GRM8: variants seen among roughly 807,000 people sequenced by gnomAD.
GRM8 encodes the protein metabotropic glutamate receptor 8.
Under a neutral mutation model 87.2 loss-of-function variants are expected in GRM8, and 47 were observed. The ratio of observed to expected loss-of-function variants is 0.54; its 90% CI spans 0.43 to 0.69. The LOEUF (loss-of-function observed/expected upper bound fraction) is 0.69, where lower values mean the gene tolerates loss of function less well. Among genes scored for constraint, GRM8 ranks in the 30% least tolerant of loss-of-function variants. GRM8 has a pLI of 0.00. For missense variants in GRM8, 1,019 were observed against 1,139.2 expected, an observed-to-expected ratio of 0.89 and a Z score of 1.52; for synonymous variants, 396 against 404.5, an observed-to-expected ratio of 0.98 and a Z score of 0.25.
At chr7:127,088,653 G>T (rs1339373942) in intron 3 of GRM8, among the ~76,000 whole-genome samples, 1 of 152,222 alleles carries the variant, frequency 6.6e-6, no homozygotes, top group Non-Finnish European at 1.5e-5. Context: ...ACGCAGTGGT[G>T]TCAATGGACT....
intron 3 of GRM8, among the ~76,000 whole-genome samples, chr7:126,946,867 T>C (rs1807592940): frequency 6.6e-6 from 1 of 152,240 alleles, no homozygotes; most frequent in African/African-American, 2.4e-5. Context: ...GGTCCATCCA[T>C]TTGAGAAAAG....
At chr7:126,961,493 G>C (rs1809315538) in intron 3 of GRM8, among the ~76,000 whole-genome samples, 1 of 152,014 alleles carries the variant, frequency 6.6e-6, no homozygotes. Context: ...GATACTCATG[G>C]GGCCTGTAAA....
At chr7:127,024,712 A>G (rs1643524043) in intron 3 of GRM8, among the ~76,000 whole-genome samples, 2 of 151,984 alleles carry the variant, frequency 1.3e-5, no homozygotes, top group South Asian at 2.1e-4. Context: ...TTCGAGTCAC[A>G]CTGGACTTAT....
At chr7:127,012,324 C>T (rs916480848) in intron 3 of GRM8, among the ~76,000 whole-genome samples, 4 of 152,036 alleles carry the variant, frequency 2.6e-5, no homozygotes, top group Middle Eastern at 3.2e-3. Flanking sequence ...ATTCTGTATA[C>T]CCGGTGTGCC....
Position 126,509,622 on chromosome 7 carries a change from G to C in GRM8, c.2430+23330C>G, listed in dbSNP as rs76832807. Among the ~76,000 whole-genome samples the C allele has an allele frequency of 1.4e-3, 214 of 152,048 alleles. 4 individuals carry two copies. The East Asian group carries it at 0.038, about 27-fold the overall frequency. ...AATGCCCCAGTATCCCTTTGAGGTA[G>C]GTAATTATCACCTCCAATTACACAG... On this transcript the variant is annotated intron_variant, in intron 9 of 10. Coordinates refer to ENST00000339582, the MANE Select transcript of GRM8 (RefSeq NM_000845.3).
intron 8 of GRM8, among the ~76,000 whole-genome samples, chr7:126,578,517 C>A (rs918902940): frequency 7.2e-5 from 11 of 152,138 alleles, no homozygotes; most frequent in African/African-American, 2.7e-4. Context: ...GCAGAGGCAG[C>A]CACAAAGCTC....
intron 3 of GRM8, among the ~76,000 whole-genome samples, chr7:127,086,886 G>A (rs759507630): frequency 2.6e-5 from 4 of 152,208 alleles, no homozygotes; most frequent in African/African-American, 4.8e-5. Flanking sequence ...ACCAGCAAGG[G>A]AGAGAAAAGC....
At chr7:127,039,570 G>A (rs1218002107) in intron 3 of GRM8, among the ~76,000 whole-genome samples, 2 of 149,308 alleles carry the variant, frequency 1.3e-5, no homozygotes, top group Admixed American at 1.3e-4. Context: ...TGTGGAGGGT[G>A]GGAAAACTGT....
At position 126,549,802 on chromosome 7, in the gene GRM8, G is replaced by T. The variant is rs149399420; in HGVS notation, c.1495-15915C>A. Among the ~76,000 whole-genome samples, 738 of 152,222 alleles carry T rather than the reference G, an allele frequency of 4.8e-3. 2 individuals carry two copies. The highest frequency in any genetic ancestry group is 7.3e-3 in the Non-Finnish European group (499 of 67,988). On this transcript the variant is annotated intron_variant, in intron 8 of 10. Transcript: ENST00000339582. ...TGCAATAAACTACAAATTCAAACTTGAGAAGTCCAATAAAGGAGCCATAAT... is the reference window on the plus strand; with the variant it reads ...TGCAATAAACTACAAATTCAAACTTTAGAAGTCCAATAAAGGAGCCATAAT...
At chr7:126,456,006 C>T (rs753210348) in intron 9 of GRM8, among the ~76,000 whole-genome samples, 2 of 150,796 alleles carry the variant, frequency 1.3e-5, no homozygotes, top group African/African-American at 2.4e-5. Flanking sequence ...AAAAAAATAA[C>T]AAATCCATAA....
At chr7:126,511,073 G>T (rs1811302080) in intron 9 of GRM8, 1 of 152,120 alleles carries the variant, frequency 6.6e-6, no homozygotes, top group African/African-American at 2.4e-5. Context: ...TACATATTGA[G>T]AAGTCTGCCT....
intron 6 of GRM8, among the ~76,000 whole-genome samples, chr7:126,877,912 C>T (rs1383074048): frequency 1.3e-5 from 2 of 152,212 alleles, no homozygotes; most frequent in Non-Finnish European, 2.9e-5. Flanking sequence ...GATCATACTT[C>T]TCACATCCTC....
At chr7:127,245,054 T>G (rs1385574501) in intron 1 of GRM8, among the ~76,000 whole-genome samples, 1 of 152,252 alleles carries the variant, frequency 6.6e-6, no homozygotes, top group Non-Finnish European at 1.5e-5. Context: ...TCCTAGCAGC[T>G]GCTTTTCCCT....
intron 8 of GRM8, among the ~76,000 whole-genome samples, chr7:126,547,662 C>T (rs947698668): frequency 7.9e-5 from 12 of 151,282 alleles, no homozygotes; most frequent in Admixed American, 2.0e-4. Context: ...TTTCAGCATG[C>T]CCAATAATTA....
chr7:127,002,567 G>A (rs1294251284), intron 3 of GRM8, among the ~76,000 whole-genome samples: 1 of 151,636 alleles, frequency 6.6e-6, no homozygotes, highest in Non-Finnish European at 1.5e-5. Flanking sequence ...CTCTGCCATG[G>A]CTAGCTCTCG....
chr7:126,909,570 G>A (rs924608974), intron 3 of GRM8, among the ~76,000 whole-genome samples: 11 of 152,160 alleles, frequency 7.2e-5, no homozygotes, highest in African/African-American at 2.4e-4. Flanking sequence ...CAGGCAAAAT[G>A]TTATATGAAG....
At chr7:126,589,229 A>G (rs895354035) in intron 8 of GRM8, among the ~76,000 whole-genome samples, 1 of 152,150 alleles carries the variant, frequency 6.6e-6, no homozygotes, top group Non-Finnish European at 1.5e-5. Context: ...AGCCTGGGGC[A>G]AGTTCTTAGC....
At chr7:126,861,641 C>G (rs1798150027) in intron 6 of GRM8, among the ~76,000 whole-genome samples, 1 of 151,250 alleles carries the variant, frequency 6.6e-6, no homozygotes, top group Admixed American at 6.6e-5. Flanking sequence ...CTTGTATGAT[C>G]TTGATTACTG....
chr7:126,974,875 G>T (rs1421502509), intron 3 of GRM8, among the ~76,000 whole-genome samples: 1 of 142,472 alleles, frequency 7.0e-6, no homozygotes, highest in Non-Finnish European at 1.5e-5. Context: ...GGCGGAGCTT[G>T]CAGTGAGCCA....
Sources: gnomAD v4.1 joint callset for allele counts (sites outside exome capture counted in the v4.1 genomes callset) on GRCh38, gnomAD v4.1.1 for gene constraint, MANE v1.5 for transcripts, NCBI Gene and HGNC (gene_info 2026-07-23, HGNC 2026-07-21) for gene names.